Variants in MRTFB observed in about 807,000 individuals in gnomAD.
The protein encoded by MRTFB is myocardin related transcription factor B.
A neutral mutation model predicts 104.2 loss-of-function variants in MRTFB; 29 were observed. The observed-to-expected ratio is 0.28, with a 90% CI of 0.21 to 0.38. The LOEUF is 0.38. Among genes scored for constraint, MRTFB ranks in the 10% least tolerant of loss-of-function variants. The probability of loss-of-function intolerance (pLI) is 1.00; values close to 1 mark genes in which losing one functional copy is unlikely to be tolerated. For missense variants in MRTFB, 1,270 were observed against 1,341.6 expected (o/e 0.95, Z 0.83); for synonymous variants, 535 against 519.5 (o/e 1.03, Z -0.41).
At chr16:14,254,761 T>A (rs1204275670) in intron 15 of MRTFB, among the ~76,000 whole-genome samples, 2 of 152,218 alleles carry the variant, frequency 1.3e-5, no homozygotes, top group Non-Finnish European at 2.9e-5. Context: ...CAATTTAACA[T>A]CCATAACATT....
At chr16:13,995,665 T>C in the MRTFB span, among the ~76,000 whole-genome samples, 2 of 152,170 alleles carry the variant, frequency 1.3e-5, no homozygotes, top group Admixed American at 6.5e-5. Flanking sequence ...GCATGAAGCA[T>C]GGCTGGGGAG....
chr16:14,136,594 C>T (rs1452111756), intron 2 of MRTFB, among the ~76,000 whole-genome samples: 2 of 152,080 alleles, frequency 1.3e-5, no homozygotes, highest in African/African-American at 4.8e-5. Context: ...AGTTGAGAAG[C>T]ACTTGTGAAC....
rs1230818024 is a variant in MRTFB at position 14,159,696 on chromosome 16, G to A, written c.154+18936G>A. On this transcript the variant is annotated intron_variant, in intron 3 of 16. Transcript: ENST00000571589. ...TGTAATCCCAGCACTTTGGGAGGCC[G>A]AGGCGGGCGGATCACGAGGTCAGGA... 3.9e-5 allele frequency among the ~76,000 whole-genome samples: 6 copies of A among 151,900 alleles called. No individual in the cohort carries two copies. The East Asian group carries it at 7.7e-4, about 20-fold the overall frequency.
chr16:14,218,305 C>T (rs748998578), intron 7 of MRTFB, among the ~76,000 whole-genome samples: 5 of 152,094 alleles, frequency 3.3e-5, no homozygotes, highest in Non-Finnish European at 5.9e-5. Context: ...ATGATCCACC[C>T]GCCTCAGCCT....
In MRTFB at chr16:14,179,112, G is replaced by A. The variant is rs13380580; in HGVS notation, c.155-31131G>A. Among the ~76,000 whole-genome samples, 906 of 152,306 alleles carry A rather than the reference G, an allele frequency of 5.9e-3. 8 individuals are homozygous for A. Among genetic ancestry groups the A allele is most frequent in the African/African-American group, 0.021 (863 of 41,558 alleles). ...ATTATAAATGAAGTGTAAACTCCTT[G>A]TACTTAGTAGCACTTATATGACAAA... is the stretch of plus-strand genomic sequence containing the variant. On this transcript the variant is annotated intron_variant, in intron 3 of 16. Coordinates refer to ENST00000571589, the MANE Select transcript of MRTFB (RefSeq NM_001308142.2).
chr16:14,037,794 A>C, the MRTFB span, among the ~76,000 whole-genome samples: 1 of 152,220 alleles, frequency 6.6e-6, no homozygotes, highest in African/African-American at 2.4e-5. Flanking sequence ...CAAGGAGTTC[A>C]GCGGATGTCA....
chr16:14,017,134 A>G, the MRTFB span, among the ~76,000 whole-genome samples: 395 of 143,000 alleles, frequency 2.8e-3, no homozygotes, highest in Non-Finnish European at 4.4e-3. Context: ...TCGGCTCACT[A>G]CAAGCTCCAC....
At chr16:14,241,983 A>C (rs1265277689) in intron 10 of MRTFB, among the ~76,000 whole-genome samples, 3 of 133,212 alleles carry the variant, frequency 2.3e-5, no homozygotes, top group Non-Finnish European at 4.8e-5. Context: ...TAATAATAAT[A>C]ATAATAATAA....
intron 2 of MRTFB, among the ~76,000 whole-genome samples, chr16:14,126,984 A>G (rs770852358): frequency 1.3e-5 from 2 of 152,196 alleles, no homozygotes; most frequent in Non-Finnish European, 1.5e-5. Context: ...GTAATTCCAA[A>G]CACCTGACAT....
At chr16:14,095,386 G>A (rs1031914190) in intron 2 of MRTFB, among the ~76,000 whole-genome samples, 3 of 152,142 alleles carry the variant, frequency 2.0e-5, no homozygotes, top group African/African-American at 4.8e-5. Context: ...GTGACCTTGG[G>A]CAAGTTACTT....
chr16:14,152,151 T>C (rs1252921811), intron 3 of MRTFB: 1 of 152,190 alleles, frequency 6.6e-6, no homozygotes, highest in Non-Finnish European at 1.5e-5. Flanking sequence ...TTTTGTGTTC[T>C]GAGTTGTCTT....
At chr16:14,067,248 G>T (rs2033534480), upstream of MRTFB, among the ~76,000 whole-genome samples, 1 of 148,186 alleles carries the variant, frequency 6.7e-6, no homozygotes, top group African/African-American at 2.5e-5. Flanking sequence ...TTGAGACAGG[G>T]TCTCCCTCTG....
intron 8 of MRTFB, among the ~76,000 whole-genome samples, chr16:14,227,580 C>G (rs1470799897): frequency 6.6e-6 from 1 of 152,098 alleles, no homozygotes; most frequent in Non-Finnish European, 1.5e-5. Context: ...GGCACAATCA[C>G]GGCTCACTAC....
the MRTFB span, among the ~76,000 whole-genome samples, chr16:14,039,530 C>T: frequency 2.0e-5 from 3 of 151,834 alleles, no homozygotes; most frequent in African/African-American, 7.3e-5. Flanking sequence ...GTTTTATTTC[C>T]CGATTAACTA....
chr16:14,187,229 A>T (rs1165869707), intron 3 of MRTFB, among the ~76,000 whole-genome samples: 1 of 152,202 alleles, frequency 6.6e-6, no homozygotes, highest in East Asian at 1.9e-4. Context: ...TAGCTGATGG[A>T]ACTGTAGGGC....
intron 9 of MRTFB, among the ~76,000 whole-genome samples, chr16:14,235,731 GTTA>G (rs1194061956): frequency 6.6e-6 from 1 of 152,176 alleles, no homozygotes; most frequent in African/African-American, 2.4e-5. Context: ...AGGAACACTA[GTTA>G]TTATGTTTCT....
chr16:14,091,377 C>G (rs1050025587), intron 2 of MRTFB, among the ~76,000 whole-genome samples: 2 of 152,146 alleles, frequency 1.3e-5, no homozygotes, highest in Non-Finnish European at 2.9e-5. Context: ...GAAACCAGCA[C>G]AATTTCAGGG....
At chr16:14,201,671 A>G (rs563428241) in intron 3 of MRTFB, among the ~76,000 whole-genome samples, 18 of 152,344 alleles carry the variant, frequency 1.2e-4, no homozygotes, top group African/African-American at 4.1e-4. Context: ...TACAGAAAGG[A>G]TAGCTAGATT....
chr16:14,115,901 GGCC>G (rs2036519761), intron 2 of MRTFB, among the ~76,000 whole-genome samples: 2 of 152,114 alleles, frequency 1.3e-5, no homozygotes, highest in South Asian at 4.2e-4. Flanking sequence ...CCATGCTCTG[GGCC>G]ACCATTAGGA....
Sources: gnomAD v4.1 joint callset for allele counts (sites outside exome capture counted in the v4.1 genomes callset) on GRCh38, gnomAD v4.1.1 for gene constraint, MANE v1.5 for transcripts, NCBI Gene and HGNC (gene_info 2026-07-23, HGNC 2026-07-21) for gene names.